Variants in TMPRSS15 observed in about 807,000 individuals in gnomAD.
TMPRSS15 encodes transmembrane serine protease 15, also known as enteropeptidase.
A neutral mutation model predicts 125.3 loss-of-function variants in TMPRSS15; 128 were observed. The observed-to-expected ratio is 1.02, with a 90% CI of 0.89 to 1.18. The LOEUF is 1.18. TMPRSS15 is among the 50% of genes most tolerant of loss of function. The pLI is 0.00. For missense variants in TMPRSS15, 1,283 were observed against 1,212.7 expected, an observed-to-expected ratio of 1.06 and a Z score of -0.86; for synonymous variants, 446 against 423.2, an observed-to-expected ratio of 1.05 and a Z score of -0.66.
intron 16 of TMPRSS15, among the ~76,000 whole-genome samples, chr21:18,319,240 C>T (rs1329613104): frequency 6.6e-6 from 1 of 151,920 alleles, no homozygotes. Flanking sequence ...AAGAAATTAG[C>T]CTGAGGCTCA....
At chr21:18,382,784 C>A (rs914760142) in intron 4 of TMPRSS15, among the ~76,000 whole-genome samples, 85 of 152,194 alleles carry the variant, frequency 5.6e-4, no homozygotes, top group Non-Finnish European at 7.4e-5. Flanking sequence ...TGGCAAATTA[C>A]TACTGTTCTC....
At chr21:18,317,556 C>G (rs2075180439) in intron 16 of TMPRSS15, among the ~76,000 whole-genome samples, 1 of 152,046 alleles carries the variant, frequency 6.6e-6, no homozygotes, top group African/African-American at 2.4e-5. Context: ...ATCTAACTCC[C>G]TGGCCAAAAG....
At chr21:18,344,105 T>G (rs2075480528) in intron 10 of TMPRSS15, 45 bp from the exon 11 acceptor site, 1 of 1,480,588 alleles carries the variant, frequency 6.8e-7, no homozygotes. Context: ...AATATTGCAT[T>G]TTCATTGTGT....
chr21:18,401,344 G>A (rs554349101), intron 1 of TMPRSS15, among the ~76,000 whole-genome samples: 9 of 152,206 alleles, frequency 5.9e-5, no homozygotes, highest in African/African-American at 1.7e-4. Context: ...GCCCATCAAC[G>A]GTGTACTGGA....
At chr21:18,288,913 T>C (rs1419788373) in intron 21 of TMPRSS15, among the ~76,000 whole-genome samples, 2 of 151,890 alleles carry the variant, frequency 1.3e-5, no homozygotes, top group African/African-American at 4.8e-5. Flanking sequence ...CTGAAGAACA[T>C]TATATATTAC....
chr21:18,338,969 C>T (rs1483892843), intron 13 of TMPRSS15, among the ~76,000 whole-genome samples: 1 of 152,106 alleles, frequency 6.6e-6, no homozygotes, highest in Non-Finnish European at 1.5e-5. Context: ...CTTTTATCTG[C>T]ACGCTTCCTT....
intron 1 of TMPRSS15, among the ~76,000 whole-genome samples, chr21:18,402,261 G>T (rs2076101682): frequency 6.6e-6 from 1 of 152,116 alleles, no homozygotes; most frequent in African/African-American, 2.4e-5. Flanking sequence ...GAAAGATACG[G>T]TGGCTCATGC....
chr21:18,273,147 A>G (rs977445719), intron 24 of TMPRSS15, among the ~76,000 whole-genome samples: 4 of 152,160 alleles, frequency 2.6e-5, no homozygotes, highest in Non-Finnish European at 5.9e-5. Context: ...TCAGTCACTA[A>G]ATTTTAGGTA....
In TMPRSS15 at chr21:18,379,678, G is replaced by A. The variant is rs148767697; in HGVS notation, c.497-360C>T. ...ATTTGATGTTATATGAAAGAGAAGCGTGGGATATGCTTAGACCATGGGCTT... is the reference window on the plus strand; with the variant it reads ...ATTTGATGTTATATGAAAGAGAAGCATGGGATATGCTTAGACCATGGGCTT... On this transcript the variant is annotated intron_variant, in intron 4 of 24. Transcript: ENST00000284885. Among the ~76,000 whole-genome samples the A allele has an allele frequency of 2.0e-3, 308 of 152,204 alleles. 1 individual carries two copies. Among genetic ancestry groups the A allele is most frequent in the African/African-American group, 6.7e-3 (279 of 41,542 alleles).
At chr21:18,398,582 C>A (rs937607529) in intron 1 of TMPRSS15, among the ~76,000 whole-genome samples, 2 of 152,016 alleles carry the variant, frequency 1.3e-5, no homozygotes, top group African/African-American at 4.8e-5. Flanking sequence ...TGAAGTCTAA[C>A]CCACACTCCA....
chr21:18,459,424 C>T (rs951918444), intron 1 of TMPRSS15, among the ~76,000 whole-genome samples: 3 of 152,042 alleles, frequency 2.0e-5, no homozygotes, highest in Admixed American at 6.6e-5. Flanking sequence ...CAGAGGCGCA[C>T]CATCATGCCT....
chr21:18,341,378 T>C (rs916319754), intron 13 of TMPRSS15, 35 bp downstream of exon 13: 14 of 1,613,612 alleles, frequency 8.7e-6, no homozygotes, highest in East Asian at 6.7e-5. Context: ...ACGTTAATGA[T>C]TTAATAAGAC....
At chr21:18,317,458 G>A (rs1317719431) in intron 16 of TMPRSS15, among the ~76,000 whole-genome samples, 1 of 151,494 alleles carries the variant, frequency 6.6e-6, no homozygotes, top group Non-Finnish European at 1.5e-5. Context: ...GGGGGTAAGG[G>A]GAGGGTGGTG....
chr21:18,281,231 G>T lies in TMPRSS15; in HGVS notation c.2487-10C>A. On this transcript the variant is annotated splice_polypyrimidine_tract_variant and intron_variant, in intron 21 of 24. Coordinates refer to ENST00000284885, the MANE Select transcript of TMPRSS15 (RefSeq NM_002772.3). The stretch of plus-strand genomic sequence containing the variant: ...TGGCTCTAAGTTTCTCCTGAAAATT[G>T]TAATGAAGAAATATGAGACACTCTC... 6.2e-7 allele frequency: 1 copy of T among 1,613,178 alleles called. No individual in the cohort carries two copies. Among genetic ancestry groups the T allele is most frequent in the South Asian group, 1.1e-5 (1 of 91,064 alleles).
chr21:18,319,233 A>C (rs2075207598), intron 16 of TMPRSS15, among the ~76,000 whole-genome samples: 1 of 152,100 alleles, frequency 6.6e-6, no homozygotes, highest in African/African-American at 2.4e-5. Flanking sequence ...TTGGGCAAAG[A>C]AATTAGCCTG....
intron 3 of TMPRSS15, among the ~76,000 whole-genome samples, chr21:18,395,287 T>C (rs1177838347): frequency 1.3e-5 from 2 of 152,208 alleles, no homozygotes; most frequent in African/African-American, 4.8e-5. Context: ...ACTTTTTTAA[T>C]ATAAAAATTA....
At chr21:18,318,993 T>C (rs1440093759) in intron 16 of TMPRSS15, among the ~76,000 whole-genome samples, 1 of 151,994 alleles carries the variant, frequency 6.6e-6, no homozygotes, top group Non-Finnish European at 1.5e-5. Context: ...AGTAATAGAG[T>C]CAACGTAATA....
At chr21:18,410,250 C>T (rs1317657907) in intron 1 of TMPRSS15, among the ~76,000 whole-genome samples, 1 of 151,800 alleles carries the variant, frequency 6.6e-6, no homozygotes, top group African/African-American at 2.4e-5. Flanking sequence ...GTTAAAAATC[C>T]TGTACAAAGG....
chr21:18,479,767 G>A (rs1451770189), intron 1 of TMPRSS15, among the ~76,000 whole-genome samples: 2 of 152,034 alleles, frequency 1.3e-5, no homozygotes, highest in African/African-American at 4.8e-5. Context: ...TGGAGAAATA[G>A]GAATGCTTTT....
Sources: allele counts gnomAD v4.1 joint callset (sites outside exome capture counted in the v4.1 genomes callset), GRCh38; gene constraint gnomAD v4.1.1; transcripts MANE v1.5; gene names NCBI Gene and HGNC (gene_info 2026-07-23, HGNC 2026-07-21).